The following ADD1 variants were observed in gnomAD, a reference collection of about 807,000 sequenced individuals.
The protein encoded by ADD1 is alpha-adducin.
A neutral mutation model predicts 80.5 loss-of-function variants in ADD1; 24 were observed. That is an observed-to-expected ratio of 0.30 (90% CI 0.22 to 0.42). ADD1 has a LOEUF of 0.42. ADD1 is among the 10% of genes least tolerant of loss of function. ADD1 has a pLI of 1.00. For missense variants in ADD1, 948 were observed against 1,019.0 expected (o/e 0.93, Z 0.95); for synonymous variants, 373 against 393.8 (o/e 0.95, Z 0.63).
At chr4:2,863,533 A>G (rs1163124236) in intron 1 of ADD1, among the ~76,000 whole-genome samples, 1 of 152,188 alleles carries the variant, frequency 6.6e-6, no homozygotes, top group Non-Finnish European at 1.5e-5. Context: ...AATCATTGCA[A>G]GAAGCAATTT....
intron 1 of ADD1, among the ~76,000 whole-genome samples, chr4:2,857,191 C>T (rs1346881652): frequency 1.3e-5 from 2 of 151,598 alleles, no homozygotes; most frequent in African/African-American, 2.4e-5. Context: ...AGATTACAGA[C>T]GTGAGCCACC....
At position 2,876,066 on chromosome 4, in the gene ADD1, A is replaced by G; in HGVS notation, c.151A>G (p.Met51Val). 1 of 1,614,118 alleles carries G rather than the reference A, an allele frequency of 6.2e-7. No individual in the cohort carries two copies. The highest frequency in any genetic ancestry group is 1.1e-5 in the South Asian group (1 of 91,072). Reference protein sequence around the residue: ...MAPDLRQDFNMMEQKKRVSMI... With the variant: ...MAPDLRQDFNVMEQKKRVSMI... ...ACCAGACCTTCGCCAGGACTTCAAC[A>G]TGATGGAGCAAAAGAAGAGGGTGTC... The change falls in exon 2 of 16, where the codon ATG (methionine) becomes GTG (valine). Residue 51 changes from methionine (M) to valine (V), a missense_variant. Coordinates refer to ENST00000683351, the MANE Select transcript of ADD1 (RefSeq NM_001354761.2).
At position 2,926,165 on chromosome 4, in the gene ADD1, G is replaced by A. The variant is rs575512329; in HGVS notation, c.2047+53G>A. 4.5e-5 allele frequency: 67 copies of A among 1,475,714 alleles called. 1 individual carries two copies. Among genetic ancestry groups the A allele is most frequent in the Middle Eastern group, 3.4e-4 (2 of 5,836 alleles). 91.4% of individuals were successfully genotyped at this position (1,475,714 alleles called of 1,614,324 possible). On this transcript the variant is annotated intron_variant, in intron 15 of 15. Coordinates refer to ENST00000683351, the MANE Select transcript of ADD1 (RefSeq NM_001354761.2). The surrounding 1 kb of genome is among the most constrained non-coding windows in gnomAD (Gnocchi z 5.0). ...CTGTGGGAGGGTGCACGGCTCGTGC[G>A]CGCTGTGGCGGAATGTGGCGGGAGT...
chr4:2,905,204 G>A, intron 10 of ADD1, 96 bp downstream of exon 10: 12 of 1,165,352 alleles, frequency 1.0e-5, no homozygotes, highest in Non-Finnish European at 1.5e-5. Context: ...TTCTGACCCA[G>A]GTGTAAAGCG....
In ADD1 at chr4:2,905,064, C is replaced by G; in HGVS notation, c.1462C>G (p.Leu488Val). Residue 488 changes from leucine (L) to valine (V), a missense_variant, in exon 10 of 16, where the codon CTC (leucine) becomes GTC (valine). Physicochemically the swap from Leu to Val is conservative, Grantham distance 32. Transcript: ENST00000683351. ...HDHVKPLLQS[L>V]SSGVCVPSCI... ...TCACGTGAAACCCTTGCTGCAGTCT[C>G]TCTCGTCCGGTGTCTGCGTGCCAAG... 1 of 1,614,228 alleles carries G rather than the reference C, an allele frequency of 6.2e-7. No homozygotes were observed. The highest frequency in any genetic ancestry group is 8.5e-7 in the Non-Finnish European group (1 of 1,180,048).
chr4:2,926,115 G>A lies in ADD1; in HGVS notation c.2047+3G>A, dbSNP rs998432091. Reference sequence around the variant, plus strand: ...CACTCCCATCAAGCTGGAGGAAGGTGAGCTCTGGGTGGCAGCGGCCGCCAC... The same window carrying A: ...CACTCCCATCAAGCTGGAGGAAGGTAAGCTCTGGGTGGCAGCGGCCGCCAC... On this transcript the variant is annotated splice_donor_region_variant and intron_variant, in intron 15 of 15. Coordinates refer to ENST00000683351, the MANE Select transcript of ADD1 (RefSeq NM_001354761.2). This position sits in a 1 kb window ranked among gnomAD's most constrained non-coding sequence, Gnocchi z 5.0. The A allele has an allele frequency of 6.2e-7, 1 of 1,613,530 alleles. No homozygotes were observed. Among genetic ancestry groups the A allele is most frequent in the African/African-American group, 1.3e-5 (1 of 74,944 alleles).
At position 2,904,757 on chromosome 4, in the gene ADD1, A is replaced by AC; in HGVS notation, c.1162-4dup. 6.2e-7 allele frequency: 1 copy of AC among 1,608,978 alleles called. No homozygotes were observed. The highest frequency in any genetic ancestry group is 1.1e-5 in the South Asian group (1 of 91,026). Reference sequence around the variant, plus strand: ...ATTGACTGTCTTTCACTCTCCTTGGACCCTAGGGCTACAGAACTGGCTACC... The same window carrying AC: ...ATTGACTGTCTTTCACTCTCCTTGGACCCCTAGGGCTACAGAACTGGCTACC... On this transcript the variant is annotated splice_polypyrimidine_tract_variant and splice_region_variant and intron_variant, in intron 9 of 15. Transcript: ENST00000683351.
chr4:2,915,065 G>A (rs746986371), intron 14 of ADD1, 25 bp downstream of exon 14: 8 of 1,591,210 alleles, frequency 5.0e-6, no homozygotes, highest in African/African-American at 4.0e-5. Context: ...TCCTGGGCAC[G>A]GCCACTCCAG....
intron 14 of ADD1, among the ~76,000 whole-genome samples, chr4:2,918,853 T>C (rs1471849443): frequency 6.6e-6 from 1 of 151,990 alleles, no homozygotes; most frequent in Non-Finnish European, 1.5e-5. Context: ...TATTTGGTTT[T>C]TTTTTTTTTC....
intron 1 of ADD1, among the ~76,000 whole-genome samples, chr4:2,857,915 AT>A (rs1728309982): frequency 6.6e-6 from 1 of 152,188 alleles, no homozygotes; most frequent in African/African-American, 2.4e-5. Flanking sequence ...CAGAAAATAC[AT>A]GCTTCTAAGG....
chr4:2,926,641 G>C lies in ADD1; in HGVS notation c.2047+529G>C, dbSNP rs767622914. On this transcript the variant is annotated intron_variant, in intron 15 of 15. Transcript: ENST00000683351. The surrounding 1 kb of genome is among the most constrained non-coding windows in gnomAD (Gnocchi z 5.0). ...TCTCCCTGTGGCTGCGTCACAAGCA[G>C]GAGACGGATGCGCTAGAGAGTACCT... The C allele has an allele frequency of 5.6e-6, 9 of 1,613,822 alleles. No homozygotes were observed. Among genetic ancestry groups the C allele is most frequent in the Non-Finnish European group, 7.6e-6 (9 of 1,179,876 alleles).
intron 1 of ADD1, among the ~76,000 whole-genome samples, chr4:2,851,704 G>T (rs780018296): frequency 6.6e-6 from 1 of 152,162 alleles, no homozygotes; most frequent in South Asian, 2.1e-4. Flanking sequence ...AGGAAGGAAG[G>T]TTAGGAATGG....
At chr4:2,890,593 A>G (rs1734145754) in intron 4 of ADD1, among the ~76,000 whole-genome samples, 1 of 151,742 alleles carries the variant, frequency 6.6e-6, no homozygotes, top group African/African-American at 2.4e-5. Flanking sequence ...TATTTTTAGT[A>G]GAGACAGGGT....
chr4:2,876,150 T>C (rs369006185), intron 2 of ADD1, 40 bp downstream of exon 2: 7 of 1,574,404 alleles, frequency 4.4e-6, no homozygotes, highest in Middle Eastern at 3.4e-4. Context: ...ATGTCATCTT[T>C]CCTTTTCTAA....
intron 1 of ADD1, among the ~76,000 whole-genome samples, chr4:2,845,187 C>G (rs1726000734): frequency 6.6e-6 from 1 of 152,168 alleles, no homozygotes; most frequent in Non-Finnish European, 1.5e-5. Context: ...ATTCTCCTAC[C>G]TCAGCCTCCC....
intron 1 of ADD1, among the ~76,000 whole-genome samples, chr4:2,864,988 A>T (rs568465960): frequency 1.3e-5 from 2 of 152,270 alleles, no homozygotes; most frequent in East Asian, 3.9e-4. Context: ...TGAACAAATA[A>T]AGGATCTCCT....
intron 14 of ADD1, among the ~76,000 whole-genome samples, chr4:2,918,019 T>G (rs527964068): frequency 1.5e-4 from 23 of 152,194 alleles, no homozygotes; most frequent in Non-Finnish European, 2.9e-4. Context: ...CTTTTTTGGT[T>G]CCATATGAAA....
At chr4:2,846,189 A>T (rs535867668) in intron 1 of ADD1, among the ~76,000 whole-genome samples, 1 of 152,316 alleles carries the variant, frequency 6.6e-6, no homozygotes, top group South Asian at 2.1e-4. Context: ...TCCACATGCT[A>T]TCTATACAGT....
chr4:2,909,417 C>A lies in ADD1; in HGVS notation c.1777C>A (p.Leu593Ile). The A allele has an allele frequency of 6.5e-7, 1 of 1,550,194 alleles. No homozygotes were observed. The highest frequency in any genetic ancestry group is 8.7e-7 in the Non-Finnish European group (1 of 1,146,688). The change falls in exon 13 of 16, where the codon CTC (leucine) becomes ATC (isoleucine). Residue 593 changes from leucine to isoleucine, a missense_variant. Leu to Ile is a conservative substitution (Grantham distance 5). Coordinates refer to ENST00000683351, the MANE Select transcript of ADD1 (RefSeq NM_001354761.2). ...TEQTFSPAKS[L>I]SFRKGELVTA... ...GCAGACCTTTAGTCCCGCTAAATCT[C>A]TCTCTTTTAGAAAGGTACTCACTGC...
Sources: gnomAD v4.1 joint callset for allele counts (sites outside exome capture counted in the v4.1 genomes callset) on GRCh38, gnomAD v4.1.1 for gene constraint, Gnocchi (gnomAD v3.1) non-coding constraint, MANE v1.5 for transcripts, NCBI Gene and HGNC (gene_info 2026-07-23, HGNC 2026-07-21) for gene names.